Variants in GALK2 observed in about 807,000 individuals in gnomAD.
GALK2 encodes the protein N-acetylgalactosamine kinase.
In GALK2, 36 loss-of-function variants were observed where a neutral mutation model predicts 52.4. The ratio of observed to expected loss-of-function variants is 0.69; its 90% CI spans 0.53 to 0.91. The LOEUF (loss-of-function observed/expected upper bound fraction) is 0.91, where lower values mean the gene tolerates loss of function less well. Ranked by LOEUF, GALK2 falls within the 40% of genes least tolerant of loss-of-function variation. GALK2 has a pLI of 0.00. For synonymous variants in GALK2, 176 were observed against 199.1 expected (o/e 0.88, Z 0.98); for missense variants, 579 against 559.1 (o/e 1.04, Z -0.36).
At chr15:49,207,582 G>C (rs1421352402) in intron 2 of GALK2, among the ~76,000 whole-genome samples, 2 of 151,920 alleles carry the variant, frequency 1.3e-5, no homozygotes. Flanking sequence ...AAGCTAGGAG[G>C]GTTGTATTTT....
intron 5 of GALK2, among the ~76,000 whole-genome samples, chr15:49,256,070 T>C (rs966530555): frequency 6.6e-6 from 1 of 152,162 alleles, no homozygotes; most frequent in Non-Finnish European, 1.5e-5. Context: ...TTGCAGTCAC[T>C]TAGGGTTTGT....
At chr15:49,203,544 G>A (rs1254369317) in intron 2 of GALK2, among the ~76,000 whole-genome samples, 2 of 152,222 alleles carry the variant, frequency 1.3e-5, no homozygotes, top group African/African-American at 4.8e-5. Context: ...AATTTCATTT[G>A]TCTATTTTTG....
intron 2 of GALK2, among the ~76,000 whole-genome samples, chr15:49,209,684 C>A (rs2141346099): frequency 6.6e-6 from 1 of 152,168 alleles, no homozygotes; most frequent in Non-Finnish European, 1.5e-5. Context: ...TAGGATTAAT[C>A]CCACTTGATC....
At chr15:49,251,103 T>C (rs1375982281) in intron 5 of GALK2, among the ~76,000 whole-genome samples, 1 of 152,192 alleles carries the variant, frequency 6.6e-6, no homozygotes, top group East Asian at 1.9e-4. Flanking sequence ...GATAGCTTGA[T>C]ACCAAACCTG....
intron 2 of GALK2, among the ~76,000 whole-genome samples, chr15:49,214,523 G>A (rs1348082352): frequency 7.0e-6 from 1 of 143,182 alleles, no homozygotes; most frequent in Non-Finnish European, 1.5e-5. Flanking sequence ...TGTATTTTTA[G>A]TAGAGATGGG....
Position 49,331,569 on chromosome 15 carries a change from C to G in GALK2, c.*3410C>G, listed in dbSNP as rs1050268761. The G allele has an allele frequency of 8.2e-6, 4 of 486,206 alleles. No homozygotes were observed. The highest frequency in any genetic ancestry group is 1.5e-5 in the Non-Finnish European group (4 of 275,846). The allele number at this position is 486,206 out of a possible 1,614,324, so 30.1% of individuals were successfully genotyped here. On this transcript the variant is annotated 3_prime_UTR_variant, in exon 10 of 10. Coordinates refer to ENST00000560031, the MANE Select transcript of GALK2 (RefSeq NM_002044.4). ...TACATAAACTGTTCCTGGTCAGAAG[C>G]TGGAAATGGGGAATGTGAACATGAG...
chr15:49,361,935 A>T (rs1372541944), intron 3 of GALK2, among the ~76,000 whole-genome samples: 1 of 152,110 alleles, frequency 6.6e-6, no homozygotes, highest in African/African-American at 2.4e-5. Context: ...CATAGTAGCC[A>T]TTCTAACTGG....
Position 49,328,743 on chromosome 15 carries a change from T to G in GALK2, c.*584T>G. 6.6e-7 allele frequency: 1 copy of G among 1,505,954 alleles called. No homozygotes were observed. Among genetic ancestry groups the G allele is most frequent in the South Asian group, 1.3e-5 (1 of 75,560 alleles). The allele number at this position is 1,505,954 out of a possible 1,614,324, so 93.3% of individuals were successfully genotyped here. ...GACATTGTATAATTGAATTTGAATG[T>G]GAGATTTCTCCAGTTATCAAGAGAC... On this transcript the variant is annotated 3_prime_UTR_variant, in exon 10 of 10. Coordinates refer to ENST00000560031, the MANE Select transcript of GALK2 (RefSeq NM_002044.4).
At chr15:49,324,328 G>C (rs545666179) in intron 9 of GALK2, among the ~76,000 whole-genome samples, 2 of 144,954 alleles carry the variant, frequency 1.4e-5, no homozygotes, top group East Asian at 4.1e-4. Context: ...TCATAATGGG[G>C]AAGAATGAAG....
chr15:49,196,608 T>C (rs2087254526), intron 1 of GALK2, among the ~76,000 whole-genome samples: 1 of 152,234 alleles, frequency 6.6e-6, no homozygotes, highest in African/African-American at 2.4e-5. Flanking sequence ...GTTTGATATA[T>C]GTATACATCC....
chr15:49,156,347 C>T, intron 1 of GALK2: 2 of 404,986 alleles, frequency 4.9e-6, no homozygotes, highest in South Asian at 2.2e-5. Context: ...CGGTGACTCG[C>T]GGGATCAGGA....
chr15:49,228,615 AT>A (rs1271766417), intron 3 of GALK2, among the ~76,000 whole-genome samples: 1 of 106,818 alleles, frequency 9.4e-6, no homozygotes, highest in Non-Finnish European at 1.9e-5. Flanking sequence ...ATATTCTAGA[AT>A]TTTTTTCCGA....
intron 3 of GALK2, among the ~76,000 whole-genome samples, chr15:49,350,365 A>G (rs1243637561): frequency 6.6e-6 from 1 of 152,228 alleles, no homozygotes; most frequent in African/African-American, 2.4e-5. Context: ...GACAAACATC[A>G]TAAATACCTG....
At chr15:49,272,967 T>A (rs1013592218) in intron 5 of GALK2, among the ~76,000 whole-genome samples, 5 of 152,234 alleles carry the variant, frequency 3.3e-5, no homozygotes, top group African/African-American at 1.2e-4. Flanking sequence ...ACTGGAAGAC[T>A]GTGCTTCTGC....
At chr15:49,284,877 CTTTA>C (rs1422812281) in intron 7 of GALK2, among the ~76,000 whole-genome samples, 2 of 152,172 alleles carry the variant, frequency 1.3e-5, no homozygotes, top group Non-Finnish European at 2.9e-5. Context: ...CTCACTCCAT[CTTTA>C]ACTTGTTCCT....
At chr15:49,200,083 A>G (rs925770821) in intron 1 of GALK2, among the ~76,000 whole-genome samples, 84 of 152,274 alleles carry the variant, frequency 5.5e-4, no homozygotes, top group African/African-American at 1.9e-3. Flanking sequence ...TGGTGTTATT[A>G]CCCAGATACA....
In GALK2 at chr15:49,266,594, G is replaced by A. The variant is rs565761373; in HGVS notation, c.505-15393G>A. 2.6e-5 allele frequency among the ~76,000 whole-genome samples: 4 copies of A among 152,192 alleles called. No homozygotes were observed. In the East Asian group the frequency reaches 7.8e-4, roughly 30 times the overall value. ...AAATATGGCTGCTGACAGCTTCTAT[G>A]ATCATATGAGATAGACATAGATCGC... On this transcript the variant is annotated intron_variant, in intron 5 of 9. Transcript: ENST00000560031.
At chr15:49,336,800 T>C (rs897558685), downstream of GALK2, among the ~76,000 whole-genome samples, 5 of 152,204 alleles carry the variant, frequency 3.3e-5, no homozygotes, top group African/African-American at 1.2e-4. Flanking sequence ...TGAATGATCC[T>C]GTCATCCAGG....
intron 7 of GALK2, among the ~76,000 whole-genome samples, chr15:49,284,619 A>G (rs529575950): frequency 1.3e-5 from 2 of 152,278 alleles, no homozygotes; most frequent in East Asian, 1.9e-4. Flanking sequence ...CTTATGATCA[A>G]CCTTTACCAG....
Sources: gnomAD v4.1 joint callset for allele counts (sites outside exome capture counted in the v4.1 genomes callset) on GRCh38, gnomAD v4.1.1 for gene constraint, MANE v1.5 for transcripts, NCBI Gene and HGNC (gene_info 2026-07-23, HGNC 2026-07-21) for gene names.